Variants in GATA3 observed in about 807,000 individuals in gnomAD.
GATA3 encodes the protein trans-acting T-cell-specific transcription factor GATA-3.
GATA3 carries 6 observed loss-of-function variants against 36.0 expected under a neutral mutation model. The ratio of observed to expected loss-of-function variants is 0.17; its 90% CI spans 0.09 to 0.33. The LOEUF (loss-of-function observed/expected upper bound fraction) is 0.33. Ranked by LOEUF, GATA3 falls within the 10% of genes least tolerant of loss-of-function variation. The pLI is 1.00. For missense variants in GATA3, 514 were observed against 610.1 expected (o/e 0.84, Z 1.66); for synonymous variants, 326 against 273.0 (o/e 1.19, Z -1.92).
chr10:8,069,708 A>G, intron 5 of GATA3, 110 bp downstream of exon 5: 2 of 1,314,310 alleles, frequency 1.5e-6, no homozygotes, highest in Non-Finnish European at 1.1e-6. Flanking sequence ...GGCAGATGAC[A>G]GGTTCCAAAT....
At chr10:8,058,256 C>A (rs746361403) in intron 2 of GATA3, 49 bp from the exon 3 acceptor site, 27 of 1,597,904 alleles carry the variant, frequency 1.7e-5, no homozygotes, top group Non-Finnish European at 2.1e-5. Flanking sequence ...CCTCCCAGGG[C>A]CACACTCACC....
At chr10:8,058,165 ATGAG>A (rs1832674390) in intron 2 of GATA3, 136 bp from the exon 3 acceptor site, 2 of 870,054 alleles carry the variant, frequency 2.3e-6, no homozygotes, top group Non-Finnish European at 1.8e-6. Flanking sequence ...GACCGCCAGG[ATGAG>A]AGAGTGGGCC....
rs371853270 is a variant in GATA3 at position 8,055,843 on chromosome 10, A to G, written c.188A>G (p.Tyr63Cys). 49 of 1,581,898 alleles carry G rather than the reference A, an allele frequency of 3.1e-5. No individual in the cohort carries two copies. The highest frequency in any genetic ancestry group is 3.9e-5 in the Non-Finnish European group (45 of 1,163,790). The change falls in exon 2 of 6, where the codon TAC becomes TGC. Residue 63 changes from tyrosine to cysteine, a missense_variant. Transcript: ENST00000379328. This position sits in a 1 kb window ranked among gnomAD's most constrained non-coding sequence, Gnocchi z 5.4. ...GGTCAAGGCAACCACGTCCCGCCCT[A>G]CTACGGAAACTCGGTCAGGGCCACG... The part of the protein sequence containing the change: ...IDGQGNHVPP[Y>C]YGNSVRATVQ...
At position 8,054,877 on chromosome 10, in the gene GATA3, C is replaced by T. The variant is rs1832594921; in HGVS notation, c.-384C>T. 5 of 152,182 alleles carry T rather than the reference C, an allele frequency of 3.3e-5. No homozygotes were observed. The highest frequency in any genetic ancestry group is 1.2e-4 in the African/African-American group (5 of 41,100). The allele number at this position is 152,182 out of a possible 1,614,324, so 9.4% of individuals were successfully genotyped here. On this transcript the variant is annotated 5_prime_UTR_variant, in exon 1 of 6. Coordinates refer to ENST00000379328, the MANE Select transcript of GATA3 (RefSeq NM_001002295.2). This position sits in a 1 kb window ranked among gnomAD's most constrained non-coding sequence, Gnocchi z 4.2. ...CGCCGCCGCCTCCTCCTCCTCTCTGCTCTTCGCTACCCAGGTTGGTACTGG... is the reference window on the plus strand; with the variant it reads ...CGCCGCCGCCTCCTCCTCCTCTCTGTTCTTCGCTACCCAGGTTGGTACTGG...
chr10:8,064,737 C>T (rs1263606005), intron 4 of GATA3, among the ~76,000 whole-genome samples: 1 of 152,232 alleles, frequency 6.6e-6, no homozygotes, highest in Non-Finnish European at 1.5e-5. Context: ...TTGGTCTCAG[C>T]ATTTGAGAAC....
chr10:8,063,867 C>G, intron 3 of GATA3, 126 bp from the exon 4 acceptor site: 1 of 1,299,780 alleles, frequency 7.7e-7, no homozygotes, highest in Non-Finnish European at 1.1e-6. Context: ...GGTGGACACG[C>G]TCCCCAAAAG....
At position 8,074,242 on chromosome 10, in the gene GATA3, C is replaced by T. The variant is rs548010291; in HGVS notation, c.*219C>T. 1.7e-6 allele frequency: 1 copy of T among 582,380 alleles called. No individual in the cohort carries two copies. Among genetic ancestry groups the T allele is most frequent in the South Asian group, 2.2e-5 (1 of 44,774 alleles). 36.1% of individuals were successfully genotyped at this position (582,380 alleles called of 1,614,324 possible). A position where few individuals can be genotyped will look rare whatever the true frequency, so the allele number is the denominator to read the frequency against. The stretch of plus-strand genomic sequence containing the variant: ...CCCATCTGTGAATAAGCCATTCTGA[C>T]TCATATCCCCTATTTAACAGGGTCT... On this transcript the variant is annotated 3_prime_UTR_variant, in exon 6 of 6. Transcript: ENST00000379328.
At chr10:8,048,257 T>C (rs1423821753) in intron 1 of GATA3, among the ~76,000 whole-genome samples, 1 of 152,100 alleles carries the variant, frequency 6.6e-6, no homozygotes, top group Non-Finnish European at 1.5e-5. Flanking sequence ...GCTGTGAGGA[T>C]GTGGGTGACC....
intron 1 of GATA3, among the ~76,000 whole-genome samples, chr10:8,046,135 T>G (rs1490703035): frequency 6.6e-6 from 1 of 152,066 alleles, no homozygotes; most frequent in Non-Finnish European, 1.5e-5. Context: ...CCCAGGGGCA[T>G]CCGAAGCGGA....
chr10:8,058,952 G>A, intron 3 of GATA3, 111 bp downstream of exon 3: 1 of 952,562 alleles, frequency 1.0e-6, no homozygotes, highest in South Asian at 1.5e-5. Flanking sequence ...CCCAAAGCCT[G>A]CTGAGATGCC....
chr10:8,067,237 A>G (rs1832856726), intron 4 of GATA3, among the ~76,000 whole-genome samples: 1 of 152,218 alleles, frequency 6.6e-6, no homozygotes, highest in Admixed American at 6.5e-5. Flanking sequence ...AATGTGAATT[A>G]CATTCAAGAT....
upstream of GATA3, chr10:8,051,059 A>G (rs771536851): frequency 7.7e-6 from 4 of 521,826 alleles, no homozygotes; most frequent in Non-Finnish European, 1.6e-5. Context: ...AGCCCCAGAA[A>G]GCCGCGCCTC....
intron 3 of GATA3, among the ~76,000 whole-genome samples, chr10:8,062,466 T>G (rs528108508): frequency 6.6e-6 from 1 of 152,098 alleles, no homozygotes; most frequent in African/African-American, 2.4e-5. Flanking sequence ...TCTTTAACTT[T>G]CCTGAAGAAC....
chr10:8,054,903 T>G lies in GATA3; in HGVS notation c.-370+12T>G, dbSNP rs1203278890. The G allele has an allele frequency of 7.1e-6, 1 of 140,750 alleles. No homozygotes were observed. The highest frequency in any genetic ancestry group is 3.2e-5 in the African/African-American group (1 of 31,338). The allele number at this position is 140,750 out of a possible 1,614,324, so 8.7% of individuals were successfully genotyped here. Reference sequence around the variant, plus strand: ...TCTTCGCTACCCAGGTTGGTACTGGTGACTTTTTTTTTTTTTAAGTTTGAT... The same window carrying G: ...TCTTCGCTACCCAGGTTGGTACTGGGGACTTTTTTTTTTTTTAAGTTTGAT... On this transcript the variant is annotated intron_variant, in intron 1 of 5. Coordinates refer to ENST00000379328, the MANE Select transcript of GATA3 (RefSeq NM_001002295.2). The surrounding 1 kb of genome is among the most constrained non-coding windows in gnomAD (Gnocchi z 4.2).
chr10:8,049,571 C>G (rs1284191418), upstream of GATA3, among the ~76,000 whole-genome samples: 2 of 152,140 alleles, frequency 1.3e-5, no homozygotes, highest in Non-Finnish European at 2.9e-5. Context: ...CGCGGTGTGG[C>G]CCGCGCAGCC....
At chr10:8,058,156 A>C in intron 2 of GATA3, 149 bp from the exon 3 acceptor site, 2 of 777,220 alleles carry the variant, frequency 2.6e-6, no homozygotes, top group South Asian at 1.7e-5. Context: ...TACTCCGGGG[A>C]CCGCCAGGAT....
At position 8,064,102 on chromosome 10, in the gene GATA3, A is replaced by G. The variant is rs2131501049; in HGVS notation, c.888A>G (p.Gly296=). The change falls in exon 4 of 6, where the codon GGA becomes GGG. Residue 296 remains glycine (G), a synonymous_variant. Coordinates refer to ENST00000379328, the MANE Select transcript of GATA3 (RefSeq NM_001002295.2). The stretch of plus-strand genomic sequence containing the variant: ...GCGGGCTCTATCACAAAATGAACGG[A>G]CAGAACCGGCCCCTCATTAAGCCCA... ...NACGLYHKMN[G]QNRPLIKPKR... is the part of the protein sequence containing the mutation. The G allele has an allele frequency of 6.2e-7, 1 of 1,613,986 alleles. No individual in the cohort carries two copies. Among genetic ancestry groups the G allele is most frequent in the Non-Finnish European group, 8.5e-7 (1 of 1,179,990 alleles).
upstream of GATA3, chr10:8,052,273 T>G (rs1478748251): frequency 6.6e-6 from 1 of 151,484 alleles, no homozygotes; most frequent in Non-Finnish European, 1.5e-5. Flanking sequence ...TTTCTAAAGG[T>G]GGGGGTTGCC....
intron 2 of GATA3, among the ~76,000 whole-genome samples, chr10:8,056,595 C>G (rs1252243163): frequency 6.6e-6 from 1 of 152,102 alleles, no homozygotes; most frequent in Non-Finnish European, 1.5e-5. Context: ...TCCCAGATTC[C>G]CGGCTGCACA....
Sources: gnomAD v4.1 joint callset for allele counts (sites outside exome capture counted in the v4.1 genomes callset) on GRCh38, gnomAD v4.1.1 for gene constraint, Gnocchi (gnomAD v3.1) non-coding constraint, MANE v1.5 for transcripts, NCBI Gene and HGNC (gene_info 2026-07-23, HGNC 2026-07-21) for gene names.